Variants in PACS1 observed in about 807,000 individuals in gnomAD.
PACS1 encodes the protein phosphofurin acidic cluster sorting protein 1, also known as PACS-1.
Under a neutral mutation model 115.0 loss-of-function variants are expected in PACS1, and 24 were observed. The ratio of observed to expected loss-of-function variants is 0.21; its 90% confidence interval spans 0.15 to 0.29. PACS1 has a LOEUF of 0.29. PACS1 is among the 10% of genes least tolerant of loss of function. PACS1 has a pLI of 1.00. For missense variants in PACS1, 838 were observed against 1,251.2 expected (o/e 0.67, Z 4.98); for synonymous variants, 453 against 504.5 (o/e 0.90, Z 1.37).
chr11:66,160,700 G>A (rs1859467953), intron 1 of PACS1, among the ~76,000 whole-genome samples: 1 of 147,736 alleles, frequency 6.8e-6, no homozygotes, highest in Admixed American at 6.8e-5. Context: ...AGGGGAGTGA[G>A]GGTGGGGATG....
intron 1 of PACS1, among the ~76,000 whole-genome samples, chr11:66,082,446 C>T (rs181101021): frequency 8.5e-5 from 13 of 152,192 alleles, no homozygotes; most frequent in African/African-American, 2.4e-4. Context: ...ATCCTCTCAC[C>T]TCAGCTTCGC....
chr11:66,125,610 G>A (rs553202884), intron 1 of PACS1, among the ~76,000 whole-genome samples: 3 of 152,178 alleles, frequency 2.0e-5, no homozygotes, highest in Non-Finnish European at 4.4e-5. Context: ...ACAGATTCAA[G>A]TAGAGTAACC....
At chr11:66,113,814 T>C (rs1715998050) in intron 1 of PACS1, among the ~76,000 whole-genome samples, 1 of 152,230 alleles carries the variant, frequency 6.6e-6, no homozygotes, top group Non-Finnish European at 1.5e-5. Flanking sequence ...TCATCTTTTA[T>C]TTTTCCTCCC....
rs1214466314 is a variant in PACS1, at chr11:66,210,410, G to A, written c.493G>A (p.Gly165Arg). ...RSNEIVLPAS[G>R]LVETELQLTF... is the part of the protein sequence containing the mutation. ...CAACGAGATCGTCCTTCCAGCTAGT[G>A]GACTGGTGGAAACAGAGCTCCAATT... Residue 165 changes from glycine (G) to arginine (R), a missense_variant, in exon 3 of 24, where the codon GGA becomes AGA. Transcript: ENST00000320580. 3 of 1,613,900 alleles carry A rather than the reference G, an allele frequency of 1.9e-6. No individual in the cohort carries two copies. Among genetic ancestry groups the A allele is most frequent in the Non-Finnish European group, 2.5e-6 (3 of 1,179,772 alleles).
At chr11:66,194,512 A>T (rs1854605551) in intron 2 of PACS1, among the ~76,000 whole-genome samples, 1 of 152,180 alleles carries the variant, frequency 6.6e-6, no homozygotes. Flanking sequence ...TTGCCAGCTA[A>T]TTACCAAGCG....
At chr11:66,182,036 T>G (rs1174226629) in intron 1 of PACS1, among the ~76,000 whole-genome samples, 1 of 152,226 alleles carries the variant, frequency 6.6e-6, no homozygotes, top group African/African-American at 2.4e-5. Context: ...AAAGCTTACA[T>G]TTAAGTCTCT....
intron 1 of PACS1, 44 bp from the exon 2 acceptor site, chr11:66,193,442 A>T (rs780704460): frequency 7.3e-7 from 1 of 1,366,740 alleles, no homozygotes; most frequent in African/African-American, 1.4e-5. Context: ...CTTTTCTCGC[A>T]AGTTCCTCGC....
At chr11:66,077,622 G>T (rs1857418798) in intron 1 of PACS1, among the ~76,000 whole-genome samples, 1 of 151,978 alleles carries the variant, frequency 6.6e-6, no homozygotes, top group Non-Finnish European at 1.5e-5. Context: ...TGAGGTAGAT[G>T]GTGAGGCATA....
intron 1 of PACS1, among the ~76,000 whole-genome samples, chr11:66,136,273 A>G (rs2134585739): frequency 6.6e-6 from 1 of 151,310 alleles, no homozygotes; most frequent in South Asian, 2.1e-4. Flanking sequence ...ACACACACAC[A>G]CACACACACA....
chr11:66,214,821 C>T (rs1171009480), intron 4 of PACS1, among the ~76,000 whole-genome samples: 4 of 151,308 alleles, frequency 2.6e-5, no homozygotes, highest in South Asian at 2.1e-4. Flanking sequence ...GGGGTTCCAC[C>T]ATGTTGCTCA....
intron 1 of PACS1, among the ~76,000 whole-genome samples, chr11:66,095,750 G>A (rs4930339): frequency 7.9e-5 from 12 of 152,026 alleles, no homozygotes; most frequent in African/African-American, 2.4e-4. Context: ...GAGCCACCAC[G>A]CCCGGCCTCA....
intron 1 of PACS1, among the ~76,000 whole-genome samples, chr11:66,091,488 A>G (rs961047990): frequency 3.5e-5 from 5 of 142,568 alleles, no homozygotes. Context: ...TTTTTTTCTC[A>G]TTGTTGTTGT....
intron 1 of PACS1, among the ~76,000 whole-genome samples, chr11:66,186,470 G>T (rs1273303913): frequency 6.6e-6 from 1 of 152,126 alleles, no homozygotes; most frequent in Non-Finnish European, 1.5e-5. Context: ...CAGAATTTCA[G>T]CCCTCCCCGC....
In PACS1 at chr11:66,239,224, C is replaced by T. The variant is rs145601427; in HGVS notation, c.2376C>T (p.Ala792=). Residue 792 remains alanine, a synonymous_variant, in exon 21 of 24, where the codon GCC becomes GCT. Transcript: ENST00000320580. ...CCAGCTCGGGCCTGAGCCGAGACGC[C>T]ACGGCCACCCCTCCCTCCTCCCCAT... The part of the protein sequence containing the change: ...PPSSSGLSRD[A]TATPPSSPSM... The T allele has an allele frequency of 5.0e-4, 810 of 1,613,974 alleles. 4 individuals are homozygous for T. The African/African-American group carries it at 9.9e-3, about 20-fold the overall frequency.
intron 1 of PACS1, among the ~76,000 whole-genome samples, chr11:66,094,379 A>T (rs1340096103): frequency 6.6e-6 from 1 of 151,042 alleles, no homozygotes; most frequent in Non-Finnish European, 1.5e-5. Context: ...CACCGATCCC[A>T]CAGAAATACA....
At chr11:66,085,535 TTTCA>T (rs923404334) in intron 1 of PACS1, among the ~76,000 whole-genome samples, 3 of 152,260 alleles carry the variant, frequency 2.0e-5, no homozygotes, top group African/African-American at 7.2e-5. Flanking sequence ...CATTTGTTTC[TTTCA>T]TTCGTTCTTT....
chr11:66,090,900 A>C (rs1049811880), intron 1 of PACS1, among the ~76,000 whole-genome samples: 2 of 152,194 alleles, frequency 1.3e-5, no homozygotes, highest in Non-Finnish European at 2.9e-5. Flanking sequence ...ATAAAAAGAT[A>C]ATGAGAACTT....
intron 1 of PACS1, among the ~76,000 whole-genome samples, chr11:66,149,783 C>T (rs528437858): frequency 2.0e-5 from 3 of 151,848 alleles, no homozygotes; most frequent in Non-Finnish European, 4.4e-5. Context: ...GAGTTTCGCT[C>T]TTGTTGCCCA....
chr11:66,180,972 TC>T (rs1859997682), intron 1 of PACS1, among the ~76,000 whole-genome samples: 2 of 152,148 alleles, frequency 1.3e-5, no homozygotes, highest in Non-Finnish European at 2.9e-5. Context: ...TCAACCATTA[TC>T]CCTTTTATTT....
Sources: allele counts gnomAD v4.1 joint callset (sites outside exome capture counted in the v4.1 genomes callset), GRCh38; gene constraint gnomAD v4.1.1; transcripts MANE v1.5; gene names NCBI Gene and HGNC (gene_info 2026-07-23, HGNC 2026-07-21).